PITPNC1: variants seen among roughly 807,000 people sequenced by gnomAD.
PITPNC1 encodes the protein phosphatidylinositol transfer protein cytoplasmic 1, also known as cytoplasmic phosphatidylinositol transfer protein 1.
In PITPNC1, 18 loss-of-function variants were observed where a neutral mutation model predicts 44.7. The observed-to-expected ratio is 0.40, with a 90% CI of 0.28 to 0.60. The LOEUF (loss-of-function observed/expected upper bound fraction) is 0.60. Ranked by LOEUF, PITPNC1 falls within the 20% of genes least tolerant of loss-of-function variation. The pLI, the probability that PITPNC1 is intolerant of heterozygous loss-of-function variation, is 0.39. For missense variants in PITPNC1, 290 were observed against 418.4 expected (o/e 0.69, Z 2.68); for synonymous variants, 141 against 149.6 (o/e 0.94, Z 0.42).
At chr17:67,506,231 GAC>G (rs1006036259) in intron 1 of PITPNC1, among the ~76,000 whole-genome samples, 2 of 152,188 alleles carry the variant, frequency 1.3e-5, no homozygotes, top group Non-Finnish European at 2.9e-5. Context: ...AATGTGAAGA[GAC>G]ACTGCTGAAG....
rs60407940 is a variant in PITPNC1, at chr17:67,647,464, GTTTTTTTTT to G, written c.462+15247_462+15255del. 8.3e-5 allele frequency among the ~76,000 whole-genome samples: 6 copies of G among 72,326 alleles called. 1 individual carries two copies. Among genetic ancestry groups the G allele is most frequent in the African/African-American group, 2.2e-4 (5 of 22,228 alleles). The allele number at this position is 72,326 out of a possible 152,430, so 47.4% of individuals were successfully genotyped here. ...CACCATCACACCCAGCTAATTTTGG[GTTTTTTTTT>G]TTTTTTTTTTTTTTTTTTTTGTAGA... On this transcript the variant is annotated intron_variant, in intron 6 of 8. Coordinates refer to ENST00000581322, the MANE Select transcript of PITPNC1 (RefSeq NM_012417.4).
chr17:67,582,538 T>C (rs76402953), intron 5 of PITPNC1, among the ~76,000 whole-genome samples: 51 of 152,214 alleles, frequency 3.4e-4, no homozygotes, highest in African/African-American at 1.2e-3. Flanking sequence ...GTTATCCTAT[T>C]ATCAATTACC....
intron 5 of PITPNC1, among the ~76,000 whole-genome samples, chr17:67,607,046 G>A (rs1415785804): frequency 6.6e-6 from 1 of 152,178 alleles, no homozygotes; most frequent in Admixed American, 6.6e-5. Context: ...CCAGCACGGG[G>A]AAAGTAATAA....
chr17:67,419,205 CA>C (rs2038630356), intron 1 of PITPNC1, among the ~76,000 whole-genome samples: 1 of 151,640 alleles, frequency 6.6e-6, no homozygotes, highest in African/African-American at 2.4e-5. Flanking sequence ...AAAGATGCAA[CA>C]GGGGTTGGCA....
intron 5 of PITPNC1, among the ~76,000 whole-genome samples, chr17:67,627,081 C>T (rs1311055765): frequency 6.7e-6 from 1 of 150,196 alleles, no homozygotes; most frequent in Non-Finnish European, 1.5e-5. Flanking sequence ...GGTAAAACCC[C>T]ATCTCTACTA....
Position 67,669,581 on chromosome 17 carries a change from C to T in PITPNC1, c.536C>T (p.Pro179Leu). ...LREGWRDSHQ[P>L]IMCSYKLVTV... ...GAAGGCTGGAGAGATAGTCATCAGC[C>T]TATCATGTGCTCCTACAAGCTGGTG... The change falls in exon 7 of 9, where the codon CCT becomes CTT. Residue 179 changes from proline (P) to leucine (L), a missense_variant. Transcript: ENST00000581322. The T allele has an allele frequency of 6.2e-7, 1 of 1,607,038 alleles. No individual in the cohort carries two copies. The highest frequency in any genetic ancestry group is 8.5e-7 in the Non-Finnish European group (1 of 1,175,862).
intron 5 of PITPNC1, among the ~76,000 whole-genome samples, chr17:67,603,518 T>A (rs1452239248): frequency 6.6e-6 from 1 of 152,224 alleles, no homozygotes; most frequent in Non-Finnish European, 1.5e-5. Context: ...GCCAGCGGTC[T>A]GCACAGCCTC....
chr17:67,432,148 G>A (rs981033454), intron 1 of PITPNC1, among the ~76,000 whole-genome samples: 1 of 152,096 alleles, frequency 6.6e-6, no homozygotes, highest in Non-Finnish European at 1.5e-5. Flanking sequence ...CCAAACTTTT[G>A]GCTTCCTTGG....
At chr17:67,386,798 A>G (rs1598603397) in intron 1 of PITPNC1, among the ~76,000 whole-genome samples, 1 of 152,158 alleles carries the variant, frequency 6.6e-6, no homozygotes, top group Admixed American at 6.5e-5. Context: ...ACTAGGTAAC[A>G]CTTTTGCCCT....
At chr17:67,417,203 C>T (rs755528937) in intron 1 of PITPNC1, among the ~76,000 whole-genome samples, 1 of 152,116 alleles carries the variant, frequency 6.6e-6, no homozygotes, top group Non-Finnish European at 1.5e-5. Flanking sequence ...ATGATCATAG[C>T]TCACTGAAGA....
At chr17:67,462,751 G>A (rs201261653) in intron 1 of PITPNC1, among the ~76,000 whole-genome samples, 30 of 104,924 alleles carry the variant, frequency 2.9e-4, no homozygotes, top group African/African-American at 9.5e-4. Context: ...TGCCCAGGCT[G>A]GAGTGCAATG....
chr17:67,494,170 T>TCTTCCTTCCTTC (rs1568012787), intron 1 of PITPNC1, among the ~76,000 whole-genome samples: 5 of 65,194 alleles, frequency 7.7e-5, no homozygotes, highest in African/African-American at 2.3e-4. Context: ...CCTCTTTCTT[T>TCTTCCTTCCTTC]CTTTCTTTCT....
At chr17:67,658,087 C>T (rs1195580213) in intron 6 of PITPNC1, among the ~76,000 whole-genome samples, 2 of 152,158 alleles carry the variant, frequency 1.3e-5, no homozygotes, top group Non-Finnish European at 2.9e-5. Flanking sequence ...TCAGTCAGAC[C>T]CACTGTGCAG....
At chr17:67,624,576 C>T (rs545422460) in intron 5 of PITPNC1, among the ~76,000 whole-genome samples, 27 of 151,688 alleles carry the variant, frequency 1.8e-4, no homozygotes, top group African/African-American at 6.5e-4. Context: ...CCGAGTCTTG[C>T]TCTGTCATGC....
intron 4 of PITPNC1, among the ~76,000 whole-genome samples, chr17:67,555,114 A>T (rs2040818729): frequency 1.3e-5 from 2 of 152,208 alleles, no homozygotes; most frequent in African/African-American, 4.8e-5. Context: ...ATGCAAATGT[A>T]AAATTTTAGA....
At chr17:67,621,216 ATTTTATTT>A (rs1403414569) in intron 5 of PITPNC1, among the ~76,000 whole-genome samples, 1 of 150,382 alleles carries the variant, frequency 6.6e-6, no homozygotes, top group African/African-American at 2.5e-5. Context: ...ATTTTATTTT[ATTTTATTT>A]TAAGACAAAG....
At chr17:67,465,026 A>T (rs1372374307) in intron 1 of PITPNC1, among the ~76,000 whole-genome samples, 1 of 152,218 alleles carries the variant, frequency 6.6e-6, no homozygotes, top group Non-Finnish European at 1.5e-5. Flanking sequence ...GGCGTGAGCC[A>T]CCACACCCGG....
chr17:67,536,348 C>T (rs117014369), intron 2 of PITPNC1, among the ~76,000 whole-genome samples: 3 of 152,216 alleles, frequency 2.0e-5, no homozygotes, highest in Non-Finnish European at 2.9e-5. Context: ...CTTAGCCTCC[C>T]GAGTAGCTGG....
intron 5 of PITPNC1, among the ~76,000 whole-genome samples, chr17:67,580,633 G>A (rs1348186705): frequency 6.6e-6 from 1 of 152,130 alleles, no homozygotes; most frequent in African/African-American, 2.4e-5. Flanking sequence ...GAGCCACCAT[G>A]CCTGGCTGGA....
Sources: gnomAD v4.1 joint callset for allele counts (sites outside exome capture counted in the v4.1 genomes callset) on GRCh38, gnomAD v4.1.1 for gene constraint, MANE v1.5 for transcripts, NCBI Gene and HGNC (gene_info 2026-07-23, HGNC 2026-07-21) for gene names.